DGLUCY: variants seen among roughly 807,000 people sequenced by gnomAD.
DGLUCY encodes D-glutamate cyclase.
DGLUCY carries 58 observed loss-of-function variants against 58.5 expected under a neutral mutation model. That is an observed-to-expected ratio of 0.99 (90% CI 0.80 to 1.23). DGLUCY has a LOEUF of 1.23. Ranked by LOEUF, DGLUCY falls within the 50% of genes most tolerant of loss-of-function variation. The pLI is 0.00. For synonymous variants in DGLUCY, 325 were observed against 314.1 expected, an observed-to-expected ratio of 1.03 and a Z score of -0.37; for missense variants, 779 against 784.7, an observed-to-expected ratio of 0.99 and a Z score of 0.09.
At chr14:91,143,999 T>C (rs765885219) in intron 1 of DGLUCY, among the ~76,000 whole-genome samples, 2 of 152,148 alleles carry the variant, frequency 1.3e-5, no homozygotes, top group Non-Finnish European at 2.9e-5. Flanking sequence ...TCTGCATTAG[T>C]TCCTCTGTGT....
rs144570629 is a variant in DGLUCY, at chr14:91,140,399, C to T, written c.-81-17240C>T. 1.7e-3 allele frequency among the ~76,000 whole-genome samples: 259 copies of T among 152,232 alleles called. 1 individual carries two copies. Among genetic ancestry groups the T allele is most frequent in the Admixed American group, 4.6e-3 (70 of 15,292 alleles). On this transcript the variant is annotated intron_variant, in intron 1 of 13. Transcript: ENST00000256324. Reference sequence around the variant, plus strand: ...AAGAAAATAATTTATGGGTCGGGTGCGGTGGCTCAAGCCTGTAACCCCAGC... The same window carrying T: ...AAGAAAATAATTTATGGGTCGGGTGTGGTGGCTCAAGCCTGTAACCCCAGC...
At chr14:91,168,706 C>G (rs184176008) in intron 4 of DGLUCY, among the ~76,000 whole-genome samples, 1 of 152,212 alleles carries the variant, frequency 6.6e-6, no homozygotes, top group East Asian at 1.9e-4. Context: ...TGTCACTCTA[C>G]CTAGACGGTT....
intron 1 of DGLUCY, among the ~76,000 whole-genome samples, chr14:91,119,754 G>A (rs375108212): frequency 6.6e-6 from 1 of 152,228 alleles, no homozygotes; most frequent in East Asian, 1.9e-4. Flanking sequence ...AGGCAGACCC[G>A]CCCTCAGTCT....
intron 1 of DGLUCY, among the ~76,000 whole-genome samples, chr14:91,122,603 T>TTTTTG (rs2045441138): frequency 2.6e-4 from 2 of 7,642 alleles, no homozygotes; most frequent in African/African-American, 8.2e-4. Flanking sequence ...AAGAAAAAAG[T>TTTTTG]TTTTTTTTTT....
chr14:91,128,931 CA>C, intron 1 of DGLUCY: 1 of 151,880 alleles, frequency 6.6e-6, no homozygotes, highest in Middle Eastern at 3.4e-3. Flanking sequence ...CCATGATTGG[CA>C]GCCCTTCTGG....
chr14:91,215,377 A>G lies in DGLUCY; in HGVS notation c.1565-28A>G, dbSNP rs200990980. On this transcript the variant is annotated intron_variant, in intron 12 of 13. Coordinates refer to ENST00000256324, the MANE Select transcript of DGLUCY (RefSeq NM_001102368.3). ...ACAGACACATGACTTTTCCAACTCC[A>G]TGATGGAATCTTGTTTTGCTGTTCT... is the stretch of plus-strand genomic sequence containing the variant. 6.4e-5 allele frequency: 101 copies of G among 1,581,008 alleles called. 1 individual carries two copies. In the African/African-American group the frequency reaches 1.1e-3, roughly 18 times the overall value.
chr14:91,192,507 C>G (rs901744066), intron 9 of DGLUCY, among the ~76,000 whole-genome samples: 2 of 152,174 alleles, frequency 1.3e-5, no homozygotes, highest in Non-Finnish European at 1.5e-5. Context: ...CAGTGACTCA[C>G]GCCTGTAATC....
rs1043773340 is a variant in DGLUCY, at chr14:91,117,773, G to A, written c.-82+3490G>A. On this transcript the variant is annotated intron_variant, in intron 1 of 13. Coordinates refer to ENST00000256324, the MANE Select transcript of DGLUCY (RefSeq NM_001102368.3). ...CTGAGAACATGTGCCTGACATGGTT[G>A]GGATACAGCTTGGTTTTATGCAGTT... Among the ~76,000 whole-genome samples the A allele has an allele frequency of 3.0e-4, 46 of 152,036 alleles. 2 individuals carry two copies. The highest frequency in any genetic ancestry group is 2.9e-3 in the Admixed American group (45 of 15,258).
chr14:91,104,073 T>TTTTCTTTTTTTTC (rs2044542957), upstream of DGLUCY, among the ~76,000 whole-genome samples: 1 of 128,840 alleles, frequency 7.8e-6, no homozygotes, highest in African/African-American at 2.9e-5. Flanking sequence ...TTTTTTTTTT[T>TTTTCTTTTTTTTC]TTTTTTTGAG....
Position 91,060,569 on chromosome 14 carries a change from A to G in DGLUCY, c.-217A>G, listed in dbSNP as rs2043630439. On this transcript the variant is annotated 5_prime_UTR_variant, in exon 1 of 5. Transcript: ENST00000521334. ...GCTCCAGAACTCGGACGCAAAGACG[A>G]GTCTCTTTCCCGCTCTGGCCGCACG... 7 of 1,142,638 alleles carry G rather than the reference A, an allele frequency of 6.1e-6. No homozygotes were observed. In the South Asian group the frequency reaches 2.5e-4, roughly 41 times the overall value. The allele number at this position is 1,142,638 out of a possible 1,614,324, so 70.8% of individuals were successfully genotyped here. A position where few individuals can be genotyped will look rare whatever the true frequency, so the allele number is the denominator to read the frequency against.
intron 1 of DGLUCY, among the ~76,000 whole-genome samples, chr14:91,100,632 C>T (rs2044469023): frequency 1.3e-5 from 2 of 152,210 alleles, no homozygotes; most frequent in Admixed American, 6.5e-5. Flanking sequence ...AGCATCCCAT[C>T]TTCTTCCACT....
At chr14:91,178,678 A>T (rs980062241) in intron 7 of DGLUCY, among the ~76,000 whole-genome samples, 7 of 152,206 alleles carry the variant, frequency 4.6e-5, no homozygotes, top group Non-Finnish European at 1.0e-4. Flanking sequence ...CATCAAATCT[A>T]AAAGTTATGT....
At chr14:91,206,175 A>T (rs1342306870) in intron 12 of DGLUCY, among the ~76,000 whole-genome samples, 1 of 151,782 alleles carries the variant, frequency 6.6e-6, no homozygotes, top group African/African-American at 2.4e-5. Context: ...TCAGCCTTCC[A>T]CGTGGGAGAG....
intron 1 of DGLUCY, among the ~76,000 whole-genome samples, chr14:91,092,564 A>G (rs1310787418): frequency 1.3e-5 from 2 of 152,230 alleles, no homozygotes; most frequent in Non-Finnish European, 2.9e-5. Context: ...CACACATTTG[A>G]GAAACAGTAG....
intron 11 of DGLUCY, among the ~76,000 whole-genome samples, chr14:91,200,138 A>G (rs2050463788): frequency 6.6e-6 from 1 of 152,144 alleles, no homozygotes; most frequent in South Asian, 2.1e-4. Flanking sequence ...TATGTTTGGT[A>G]GAGACGAGGT....
intron 1 of DGLUCY, among the ~76,000 whole-genome samples, chr14:91,129,445 G>C (rs1002007306): frequency 6.6e-6 from 1 of 151,990 alleles, no homozygotes; most frequent in South Asian, 2.1e-4. Context: ...CTGTATATAA[G>C]AATATGCTAG....
intron 1 of DGLUCY, among the ~76,000 whole-genome samples, chr14:91,088,799 G>A (rs1165997286): frequency 6.6e-6 from 1 of 152,208 alleles, no homozygotes; most frequent in Non-Finnish European, 1.5e-5. Flanking sequence ...CCAGGGACGG[G>A]AGGCTGCCAA....
At chr14:91,060,533 G>A in exon 1 of DGLUCY, 1 of 1,224,312 alleles carries the variant, frequency 8.2e-7, no homozygotes, top group Non-Finnish European at 1.0e-6. Context: ...CCCAGGAGTC[G>A]GGGTGCGGCG....
chr14:91,138,673 A>T (rs1044045549), intron 1 of DGLUCY, among the ~76,000 whole-genome samples: 1 of 152,048 alleles, frequency 6.6e-6, no homozygotes, highest in Admixed American at 6.6e-5. Context: ...GGAGGGGGGA[A>T]ATGTCACAAT....
Sources: gnomAD v4.1 joint callset for allele counts (sites outside exome capture counted in the v4.1 genomes callset) on GRCh38, gnomAD v4.1.1 for gene constraint, MANE v1.5 for transcripts, NCBI Gene and HGNC (gene_info 2026-07-23, HGNC 2026-07-21) for gene names.